Variants in C12orf42 observed in about 807,000 individuals in gnomAD.
The protein encoded by C12orf42 is uncharacterized protein C12orf42.
In C12orf42, 25 loss-of-function variants were observed where a neutral mutation model predicts 21.6. The ratio of observed to expected loss-of-function variants is 1.16; its 90% CI spans 0.84 to 1.62. The LOEUF (loss-of-function observed/expected upper bound fraction) is 1.62, where lower values mean the gene tolerates loss of function less well. Ranked by LOEUF, C12orf42 falls within the 40% of genes most tolerant of loss-of-function variation. The pLI, the probability that C12orf42 is intolerant of heterozygous loss-of-function variation, is 0.00. For missense variants in C12orf42, 483 were observed against 459.3 expected, an observed-to-expected ratio of 1.05 and a Z score of -0.47; for synonymous variants, 174 against 175.0, an observed-to-expected ratio of 0.99 and a Z score of 0.05.
chr12:103,534,937 G>A, the C12orf42 span, among the ~76,000 whole-genome samples: 4 of 152,160 alleles, frequency 2.6e-5, no homozygotes, highest in Admixed American at 2.6e-4. Flanking sequence ...CTCTAAGCTC[G>A]GGATTCCTTT....
intron 4 of C12orf42, among the ~76,000 whole-genome samples, chr12:103,321,916 G>A (rs1427506534): frequency 6.6e-6 from 1 of 152,024 alleles, no homozygotes; most frequent in Non-Finnish European, 1.5e-5. Flanking sequence ...CCTAATGCTA[G>A]ATGAGGAGTT....
the C12orf42 span, among the ~76,000 whole-genome samples, chr12:103,065,209 G>A: frequency 1.3e-5 from 2 of 152,158 alleles, no homozygotes; most frequent in African/African-American, 4.8e-5. Context: ...CTCCTATTTG[G>A]CCTCTGCAGA....
rs199692967 is a variant in C12orf42, at chr12:103,344,672, G to C, written c.259+24215C>G. On this transcript the variant is annotated intron_variant, in intron 4 of 5. Transcript: ENST00000548883. ...ATCTGAAATTGAGGCACAGGGGCTA[G>C]ATCAACTGGCTGGAAAGTCTGGTGA... is the stretch of plus-strand genomic sequence containing the variant. Among the ~76,000 whole-genome samples, 4 of 152,184 alleles carry C rather than the reference G, an allele frequency of 2.6e-5. No individual in the cohort carries two copies. The East Asian group carries it at 7.7e-4, about 29-fold the overall frequency.
At chr12:103,177,536 C>T in the C12orf42 span, among the ~76,000 whole-genome samples, 9,891 of 152,132 alleles carry the variant, frequency 0.065, 370 homozygotes, top group East Asian at 0.16. Context: ...ACAGAAAAGC[C>T]GTTCTATATG....
At chr12:103,199,167 G>T in the C12orf42 span, among the ~76,000 whole-genome samples, 3 of 152,000 alleles carry the variant, frequency 2.0e-5, no homozygotes, top group African/African-American at 4.8e-5. Flanking sequence ...AGGCATATAT[G>T]GTCAACTGAT....
At chr12:103,160,494 C>T in the C12orf42 span, among the ~76,000 whole-genome samples, 2 of 152,128 alleles carry the variant, frequency 1.3e-5, no homozygotes, top group African/African-American at 4.8e-5. Context: ...GTAAATTTTT[C>T]CCCCAAGTAA....
At chr12:103,215,383 A>G in the C12orf42 span, among the ~76,000 whole-genome samples, 1 of 151,998 alleles carries the variant, frequency 6.6e-6, no homozygotes, top group Admixed American at 6.6e-5. Context: ...GTGCTAATAA[A>G]ATATTTCTCA....
At chr12:103,295,477 G>A (rs934118282) in intron 4 of C12orf42, among the ~76,000 whole-genome samples, 7 of 152,002 alleles carry the variant, frequency 4.6e-5, no homozygotes, top group Admixed American at 3.3e-4. Context: ...TTGCGAGCAT[G>A]AGTGATGGAG....
At chr12:103,189,984 T>TATATAC in the C12orf42 span, among the ~76,000 whole-genome samples, 14 of 151,206 alleles carry the variant, frequency 9.3e-5, no homozygotes, top group South Asian at 6.3e-4. Context: ...TATATATATA[T>TATATAC]ACACACACAC....
At chr12:103,343,433 G>T (rs2137285467) in intron 4 of C12orf42, among the ~76,000 whole-genome samples, 1 of 152,204 alleles carries the variant, frequency 6.6e-6, no homozygotes, top group South Asian at 2.1e-4. Context: ...GTAGTTGAAT[G>T]ATCTTAAAAG....
At position 103,340,422 on chromosome 12, in the gene C12orf42, G is replaced by T. The variant is rs2042063524; in HGVS notation, c.259+28465C>A. On this transcript the variant is annotated intron_variant, in intron 4 of 5. Transcript: ENST00000548883. ...GTGCTCAAAAGCGTCTTGCCTCAGT[G>T]ATGGGGAATTAGCCTAAGACTAACT... Among the ~76,000 whole-genome samples, 6 of 152,230 alleles carry T rather than the reference G, an allele frequency of 3.9e-5. No individual in the cohort carries two copies. The South Asian group carries it at 1.2e-3, about 32-fold the overall frequency.
the C12orf42 span, among the ~76,000 whole-genome samples, chr12:103,070,833 G>C: frequency 2.6e-5 from 4 of 152,162 alleles, no homozygotes; most frequent in Non-Finnish European, 5.9e-5. Flanking sequence ...AGGATTTCAT[G>C]AAAGTGAGTG....
chr12:103,374,827 C>T (rs919946334), intron 3 of C12orf42, among the ~76,000 whole-genome samples: 1 of 152,144 alleles, frequency 6.6e-6, no homozygotes, highest in East Asian at 1.9e-4. Flanking sequence ...CTAGAGCAAG[C>T]AGGTTGGACA....
chr12:103,434,337 T>C (rs545118150), intron 2 of C12orf42, among the ~76,000 whole-genome samples: 2 of 152,294 alleles, frequency 1.3e-5, no homozygotes, highest in East Asian at 3.9e-4. Flanking sequence ...CTGCACTCTG[T>C]TCTACCCAAA....
chr12:103,090,543 T>C, the C12orf42 span, among the ~76,000 whole-genome samples: 1 of 152,204 alleles, frequency 6.6e-6, no homozygotes, highest in Non-Finnish European at 1.5e-5. Context: ...AAAAATCTCA[T>C]AGAAGACATT....
chr12:103,126,455 C>A, the C12orf42 span, among the ~76,000 whole-genome samples: 2 of 152,128 alleles, frequency 1.3e-5, no homozygotes, highest in African/African-American at 4.8e-5. Context: ...AAATATATTA[C>A]AATAATCCTT....
chr12:103,167,341 C>T, the C12orf42 span, among the ~76,000 whole-genome samples: 13 of 152,328 alleles, frequency 8.5e-5, no homozygotes, highest in African/African-American at 2.6e-4. Context: ...TAAGCCTGAA[C>T]TATAGGGTTC....
chr12:103,515,710 T>C, the C12orf42 span, among the ~76,000 whole-genome samples: 3 of 152,190 alleles, frequency 2.0e-5, no homozygotes, highest in African/African-American at 7.2e-5. Flanking sequence ...AAATGTATGC[T>C]GAGTTGTATG....
chr12:103,212,575 G>A, the C12orf42 span, among the ~76,000 whole-genome samples: 5 of 151,870 alleles, frequency 3.3e-5, no homozygotes, highest in Admixed American at 1.3e-4. Context: ...GATAGTGTTG[G>A]GTATATCCAT....
Sources: gnomAD v4.1 joint callset for allele counts (sites outside exome capture counted in the v4.1 genomes callset) on GRCh38, gnomAD v4.1.1 for gene constraint, MANE v1.5 for transcripts, NCBI Gene and HGNC (gene_info 2026-07-23, HGNC 2026-07-21) for gene names.